The following XRCC4 variants were observed in gnomAD, a reference collection of about 807,000 sequenced individuals.
XRCC4 encodes the protein DNA repair protein XRCC4.
A neutral mutation model predicts 39.1 loss-of-function variants in XRCC4; 28 were observed. The ratio of observed to expected loss-of-function variants is 0.72; its 90% CI spans 0.53 to 0.98. XRCC4 has a LOEUF of 0.98. Ranked by LOEUF, XRCC4 falls within the 50% of genes least tolerant of loss-of-function variation. The pLI, the probability that XRCC4 is intolerant of heterozygous loss-of-function variation, is 0.00. For synonymous variants in XRCC4, 123 were observed against 126.4 expected (o/e 0.97, Z 0.18); for missense variants, 350 against 376.4 (o/e 0.93, Z 0.58).
chr5:83,324,987 C>G (rs541184110), intron 7 of XRCC4, among the ~76,000 whole-genome samples: 1 of 152,170 alleles, frequency 6.6e-6, no homozygotes, highest in South Asian at 2.1e-4. Flanking sequence ...CTTTGGGAAC[C>G]CTTCAAGTGA....
intron 3 of XRCC4, among the ~76,000 whole-genome samples, chr5:83,124,565 G>C (rs911327652): frequency 6.6e-6 from 1 of 151,678 alleles, no homozygotes; most frequent in African/African-American, 2.4e-5. Flanking sequence ...CACTTTTTTG[G>C]CTATTAGAAA....
At chr5:83,281,126 G>A (rs1413023166) in intron 7 of XRCC4, among the ~76,000 whole-genome samples, 1 of 152,136 alleles carries the variant, frequency 6.6e-6, no homozygotes, top group Non-Finnish European at 1.5e-5. Context: ...GCAATATAAG[G>A]TAGGAGACCT....
intron 7 of XRCC4, among the ~76,000 whole-genome samples, chr5:83,331,426 A>T (rs1305379190): frequency 6.6e-6 from 1 of 151,994 alleles, no homozygotes; most frequent in Admixed American, 6.6e-5. Context: ...ATCAACAGGA[A>T]CTCTTACACA....
intron 3 of XRCC4, among the ~76,000 whole-genome samples, chr5:83,176,654 A>T (rs2112636380): frequency 6.9e-6 from 1 of 145,630 alleles, no homozygotes; most frequent in South Asian, 2.1e-4. Context: ...ACAAGGTCTC[A>T]CTCTGTCACC....
intron 3 of XRCC4, among the ~76,000 whole-genome samples, chr5:83,168,561 T>C (rs1252452690): frequency 6.6e-6 from 1 of 152,176 alleles, no homozygotes; most frequent in Non-Finnish European, 1.5e-5. Context: ...CTTCTAGCAA[T>C]TAGAGAATGT....
chr5:83,250,924 C>T (rs1316051781), intron 6 of XRCC4, among the ~76,000 whole-genome samples: 1 of 152,172 alleles, frequency 6.6e-6, no homozygotes, highest in Non-Finnish European at 1.5e-5. Flanking sequence ...AAATCTATGC[C>T]TACCTTTGGA....
intron 6 of XRCC4, among the ~76,000 whole-genome samples, chr5:83,236,150 A>G (rs929707871): frequency 9.9e-5 from 15 of 152,180 alleles, no homozygotes; most frequent in East Asian, 9.6e-4. Flanking sequence ...ACCCAAAGCA[A>G]TCTACAGATT....
chr5:83,341,471 A>G (rs1045328165), intron 7 of XRCC4, among the ~76,000 whole-genome samples: 1 of 152,186 alleles, frequency 6.6e-6, no homozygotes, highest in Non-Finnish European at 1.5e-5. Flanking sequence ...AGTGTATAAT[A>G]TGTATATGAA....
At chr5:83,323,458 A>G (rs527613320) in intron 7 of XRCC4, among the ~76,000 whole-genome samples, 56 of 152,256 alleles carry the variant, frequency 3.7e-4, no homozygotes, top group African/African-American at 1.2e-3. Flanking sequence ...TAATTAAACC[A>G]TATCAACAGT....
chr5:83,236,314 TA>T, intron 6 of XRCC4, among the ~76,000 whole-genome samples: 1 of 152,222 alleles, frequency 6.6e-6, no homozygotes, highest in East Asian at 1.9e-4. Context: ...TACTTCAAAT[TA>T]TACTACAAAA....
At chr5:83,364,895 TA>T in the XRCC4 span, among the ~76,000 whole-genome samples, 1 of 152,228 alleles carries the variant, frequency 6.6e-6, no homozygotes, top group South Asian at 2.1e-4. Context: ...AGTGCAGTTT[TA>T]AATATCTTTT....
chr5:83,336,440 T>C (rs16900328), intron 7 of XRCC4, among the ~76,000 whole-genome samples: 2,844 of 152,244 alleles, frequency 0.019, 65 homozygotes, highest in African/African-American at 0.063. Flanking sequence ...TTTTTCTTGG[T>C]TGGTTATTGA....
At chr5:83,261,485 G>A (rs771760825) in intron 7 of XRCC4, among the ~76,000 whole-genome samples, 12 of 151,784 alleles carry the variant, frequency 7.9e-5, no homozygotes, top group Admixed American at 2.0e-4. Flanking sequence ...ATGACCTTCA[G>A]TCCCTTCCAA....
intron 7 of XRCC4, among the ~76,000 whole-genome samples, chr5:83,333,391 T>G (rs530113990): frequency 6.6e-6 from 1 of 152,338 alleles, no homozygotes; most frequent in African/African-American, 2.4e-5. Context: ...CATGCTAGAC[T>G]TGTAAGTATT....
chr5:83,284,164 T>C (rs1457404450), intron 7 of XRCC4, among the ~76,000 whole-genome samples: 4 of 151,134 alleles, frequency 2.6e-5, no homozygotes, highest in Admixed American at 2.0e-4. Context: ...TTATTGATGA[T>C]CCTATTCATG....
chr5:83,115,655 AC>A (rs1238632759), intron 3 of XRCC4, among the ~76,000 whole-genome samples: 1 of 152,112 alleles, frequency 6.6e-6, no homozygotes. Flanking sequence ...TTTGCTTACC[AC>A]CCTGAAAGTA....
At chr5:83,278,713 C>T (rs1320226104) in intron 7 of XRCC4, among the ~76,000 whole-genome samples, 1 of 151,986 alleles carries the variant, frequency 6.6e-6, no homozygotes, top group Non-Finnish European at 1.5e-5. Flanking sequence ...AGGCCAGGCG[C>T]AGTGGCTCAT....
intron 1 of XRCC4, among the ~76,000 whole-genome samples, chr5:83,079,412 T>G (rs1484431654): frequency 6.6e-6 from 1 of 152,220 alleles, no homozygotes; most frequent in Non-Finnish European, 1.5e-5. Flanking sequence ...TCAGATTATA[T>G]CACAATTTCT....
intron 7 of XRCC4, among the ~76,000 whole-genome samples, chr5:83,261,110 C>T (rs989224777): frequency 1.1e-4 from 16 of 151,440 alleles, no homozygotes; most frequent in Admixed American, 9.9e-4. Flanking sequence ...AATTTTATGG[C>T]TCTTAAAAAT....
Sources: gnomAD v4.1 joint callset for allele counts (sites outside exome capture counted in the v4.1 genomes callset) on GRCh38, gnomAD v4.1.1 for gene constraint, MANE v1.5 for transcripts, NCBI Gene and HGNC (gene_info 2026-07-23, HGNC 2026-07-21) for gene names.